PUM2: variants seen among roughly 807,000 people sequenced by gnomAD.
PUM2 encodes pumilio homolog 2.
In PUM2, 57 loss-of-function variants were observed where a neutral mutation model predicts 124.5. That is an observed-to-expected ratio of 0.46 (90% CI 0.37 to 0.57). PUM2 has a LOEUF of 0.57. Ranked by LOEUF, PUM2 falls within the 20% of genes least tolerant of loss-of-function variation. The pLI is 0.00. For missense variants in PUM2, 1,065 were observed against 1,290.6 expected (o/e 0.83, Z 2.68); for synonymous variants, 460 against 446.1 (o/e 1.03, Z -0.39).
intron 17 of PUM2, among the ~76,000 whole-genome samples, chr2:20,255,678 C>T (rs896294714): frequency 6.6e-6 from 1 of 152,168 alleles, no homozygotes; most frequent in Admixed American, 6.5e-5. Flanking sequence ...GTATTAGTTA[C>T]AAATTGCTAT....
At chr2:20,336,681 T>TTG (rs113658730) in intron 1 of PUM2, among the ~76,000 whole-genome samples, 6,598 of 131,524 alleles carry the variant, frequency 0.05, 227 homozygotes, top group Non-Finnish European at 0.063. Flanking sequence ...CCTGGCTAAT[T>TTG]TGTGTGTGTG....
chr2:20,350,902 T>G (rs1240018649), upstream of PUM2: 1 of 553,870 alleles, frequency 1.8e-6, no homozygotes, highest in South Asian at 8.1e-5. Flanking sequence ...GGGGGAGCGC[T>G]CACCAAGGCG....
At chr2:20,343,149 G>A (rs1687557303) in intron 1 of PUM2, among the ~76,000 whole-genome samples, 1 of 151,992 alleles carries the variant, frequency 6.6e-6, no homozygotes, top group South Asian at 2.1e-4. Context: ...AAAAAATTGA[G>A]TATAATTTAA....
intron 1 of PUM2, among the ~76,000 whole-genome samples, chr2:20,336,755 TG>T (rs1558676155): frequency 9.6e-4 from 14 of 14,564 alleles, no homozygotes; most frequent in Admixed American, 1.8e-3. Flanking sequence ...GATCTGTGTG[TG>T]TGTGTGTGTG....
chr2:20,343,156 TTAAA>T lies in PUM2; in HGVS notation c.-19+7437_-19+7440del, dbSNP rs555746724. On this transcript the variant is annotated intron_variant, in intron 1 of 20. Transcript: ENST00000361078. ...TGTTTAAAAAAAAATTGAGTATAAT[TTAAA>T]TAAACTTACTTTATTCACTTAAGCA... 8.5e-5 allele frequency among the ~76,000 whole-genome samples: 13 copies of T among 152,238 alleles called. No individual in the cohort carries two copies. The East Asian group carries it at 2.3e-3, about 27-fold the overall frequency.
intron 1 of PUM2, among the ~76,000 whole-genome samples, chr2:20,327,818 C>T (rs1268403373): frequency 6.6e-6 from 1 of 152,014 alleles, no homozygotes; most frequent in Non-Finnish European, 1.5e-5. Flanking sequence ...CCAAAGGACA[C>T]AGTCTAGAGC....
chr2:20,328,380 AG>A (rs1684166767), intron 1 of PUM2, among the ~76,000 whole-genome samples: 1 of 152,206 alleles, frequency 6.6e-6, no homozygotes, highest in Non-Finnish European at 1.5e-5. Flanking sequence ...CATTCGCCAA[AG>A]AAACAACAGA....
intron 13 of PUM2, among the ~76,000 whole-genome samples, chr2:20,272,067 G>A (rs1009025120): frequency 6.6e-6 from 1 of 152,012 alleles, no homozygotes; most frequent in South Asian, 2.1e-4. Context: ...GCTGAGGCAG[G>A]AGAATCGCTT....
chr2:20,297,809 T>G, intron 7 of PUM2, 131 bp from the exon 8 acceptor site: 2 of 881,194 alleles, frequency 2.3e-6, no homozygotes, highest in South Asian at 4.2e-5. Context: ...ATGGTTCAAA[T>G]TTTTACTAAG....
intron 7 of PUM2, among the ~76,000 whole-genome samples, chr2:20,307,429 C>T (rs1432001205): frequency 2.0e-5 from 3 of 152,116 alleles, no homozygotes; most frequent in Admixed American, 1.3e-4. Context: ...TACATACATA[C>T]TGCATCAATA....
chr2:20,339,031 T>C (rs1686686051), intron 1 of PUM2, among the ~76,000 whole-genome samples: 1 of 152,150 alleles, frequency 6.6e-6, no homozygotes, highest in African/African-American at 2.4e-5. Context: ...TGGAAATCAA[T>C]GGCTTTATAT....
intron 1 of PUM2, among the ~76,000 whole-genome samples, chr2:20,332,322 T>TGTGTGTGTGTGTG (rs3222066): frequency 8.7e-5 from 13 of 149,806 alleles, no homozygotes; most frequent in South Asian, 2.1e-4. Context: ...TGTGTGTGTG[T>TGTGTGTGTGTGTG]TTAAACGAAT....
intron 10 of PUM2, among the ~76,000 whole-genome samples, chr2:20,286,601 T>A (rs920722421): frequency 4.6e-5 from 7 of 152,208 alleles, no homozygotes; most frequent in Non-Finnish European, 8.8e-5. Flanking sequence ...AACTTCATTG[T>A]CTTCAAAGTA....
intron 10 of PUM2, among the ~76,000 whole-genome samples, chr2:20,286,630 T>C (rs1672807225): frequency 6.6e-6 from 1 of 152,194 alleles, no homozygotes; most frequent in East Asian, 1.9e-4. Flanking sequence ...GATAATTATT[T>C]TGTTTATTAC....
At chr2:20,292,519 C>T (rs924772813) in intron 9 of PUM2, among the ~76,000 whole-genome samples, 5 of 152,108 alleles carry the variant, frequency 3.3e-5, no homozygotes, top group Admixed American at 6.5e-5. Context: ...CACGCCACCA[C>T]GCTTGGCTAA....
In PUM2 at chr2:20,288,171, T is replaced by G. The variant is rs1171924102; in HGVS notation, c.1291+2481A>C. On this transcript the variant is annotated intron_variant, in intron 10 of 20. Transcript: ENST00000361078. ...CTATGTGGTGGAAATACAGCAAATCTGACTCTGAAGAAGGCAGCCATTAAG... is the reference window on the plus strand; with the variant it reads ...CTATGTGGTGGAAATACAGCAAATCGGACTCTGAAGAAGGCAGCCATTAAG... 2.0e-5 allele frequency among the ~76,000 whole-genome samples: 3 copies of G among 152,188 alleles called. No individual in the cohort carries two copies. The East Asian group carries it at 5.8e-4, about 29-fold the overall frequency.
chr2:20,261,950 C>G (rs1194350629), intron 14 of PUM2, among the ~76,000 whole-genome samples: 2 of 151,970 alleles, frequency 1.3e-5, no homozygotes, highest in African/African-American at 4.8e-5. Flanking sequence ...AAGTAATTAG[C>G]CAGGTGTGAT....
At chr2:20,345,093 T>TTTC (rs1270645689) in intron 1 of PUM2, among the ~76,000 whole-genome samples, 1 of 150,326 alleles carries the variant, frequency 6.7e-6, no homozygotes, top group Non-Finnish European at 1.5e-5. Context: ...TTTTTTCTTT[T>TTTC]TTTTTTTTTT....
In PUM2 at chr2:20,315,625, G is replaced by T. The variant is rs551790052; in HGVS notation, c.160+2912C>A. 2.0e-5 allele frequency among the ~76,000 whole-genome samples: 3 copies of T among 152,028 alleles called. No individual in the cohort carries two copies. The South Asian group carries it at 6.2e-4, about 32-fold the overall frequency. ...TCATCCATCTTGAAATAATCTCTCT[G>T]TCATGGTGTGCTCAAGATGCTTTGC... On this transcript the variant is annotated intron_variant, in intron 3 of 20. Transcript: ENST00000361078.
Sources: allele counts gnomAD v4.1 joint callset (sites outside exome capture counted in the v4.1 genomes callset), GRCh38; gene constraint gnomAD v4.1.1; transcripts MANE v1.5; gene names NCBI Gene and HGNC (gene_info 2026-07-23, HGNC 2026-07-21).